NR2C2AP: variants seen among roughly 807,000 people sequenced by gnomAD.
The protein encoded by NR2C2AP is nuclear receptor 2C2 associated protein, also known as nuclear receptor 2C2-associated protein.
A neutral mutation model predicts 19.1 loss-of-function variants in NR2C2AP; 13 were observed. That is an observed-to-expected ratio of 0.68 (90% CI 0.44 to 1.08). NR2C2AP has a LOEUF of 1.08. Among genes scored for constraint, NR2C2AP ranks in the 50% least tolerant of loss-of-function variants. The probability of loss-of-function intolerance (pLI) is 0.00; values close to 1 mark genes in which losing one functional copy is unlikely to be tolerated. For missense variants in NR2C2AP, 181 were observed against 172.7 expected (o/e 1.05, Z -0.27); for synonymous variants, 81 against 64.4 (o/e 1.26, Z -1.23).
chr19:19,203,104 C>T lies in NR2C2AP; in HGVS notation c.-44G>A, dbSNP rs2060742867. The T allele has an allele frequency of 1.9e-6, 3 of 1,610,394 alleles. No individual in the cohort carries two copies. The highest frequency in any genetic ancestry group is 1.7e-6 in the Non-Finnish European group (2 of 1,177,472). On this transcript the variant is annotated 5_prime_UTR_variant, in exon 1 of 5. Coordinates refer to ENST00000331552, the MANE Select transcript of NR2C2AP (RefSeq NM_176880.6). Reference sequence around the variant, plus strand: ...CGCAGGGCTTAGGATTGGGCACAGCCTTGGTTCGAATCCCGGCGCCTCCTC... The same window carrying T: ...CGCAGGGCTTAGGATTGGGCACAGCTTTGGTTCGAATCCCGGCGCCTCCTC...
Position 19,201,533 on chromosome 19 carries a change from G to A in NR2C2AP, c.*392C>T, listed in dbSNP as rs566568874. Reference sequence around the variant, plus strand: ...GGTTCTCCCAGCTTTGCTCTGTAATGCAGGTCTCTGCAAGGGTCCCTGTTT... The same window carrying A: ...GGTTCTCCCAGCTTTGCTCTGTAATACAGGTCTCTGCAAGGGTCCCTGTTT... On this transcript the variant is annotated 3_prime_UTR_variant, in exon 5 of 5. Coordinates refer to ENST00000331552, the MANE Select transcript of NR2C2AP (RefSeq NM_176880.6). 51 of 1,603,382 alleles carry A rather than the reference G, an allele frequency of 3.2e-5. No homozygotes were observed. Among genetic ancestry groups the A allele is most frequent in the African/African-American group, 2.8e-4 (21 of 75,066 alleles).
Position 19,203,111 on chromosome 19 carries a change from C to A in NR2C2AP, c.-51G>T. The A allele has an allele frequency of 6.3e-7, 1 of 1,598,974 alleles. No homozygotes were observed. Among genetic ancestry groups the A allele is most frequent in the South Asian group, 1.1e-5 (1 of 89,974 alleles). ...CTTAGGATTGGGCACAGCCTTGGTT[C>A]GAATCCCGGCGCCTCCTCAAGCTAC... On this transcript the variant is annotated 5_prime_UTR_variant, in exon 1 of 5. Transcript: ENST00000331552.
chr19:19,201,790 GACTT>G lies in NR2C2AP; in HGVS notation c.*131_*134del. 6.2e-7 allele frequency: 1 copy of G among 1,613,162 alleles called. No homozygotes were observed. Among genetic ancestry groups the G allele is most frequent in the Non-Finnish European group, 8.5e-7 (1 of 1,179,746 alleles). On this transcript the variant is annotated 3_prime_UTR_variant, in exon 5 of 5. Transcript: ENST00000331552. ...GCCAGAGCTGGGGAAACCCAGAACT[GACTT>G]CAAAGGCAGCTTCTGGACAGGTGGT... is the stretch of plus-strand genomic sequence containing the variant.
Position 19,201,834 on chromosome 19 carries a change from C to T in NR2C2AP, c.*91G>A, listed in dbSNP as rs1360918517. The T allele has an allele frequency of 1.6e-5, 25 of 1,611,240 alleles. No homozygotes were observed. The highest frequency in any genetic ancestry group is 3.4e-5 in the Admixed American group (2 of 59,600). ...GGACAGGTGGTGGGAGGGGACCCTT[C>T]CCAAGAGGAACCAATAAACCTTCTG... On this transcript the variant is annotated 3_prime_UTR_variant, in exon 5 of 5. Coordinates refer to ENST00000331552, the MANE Select transcript of NR2C2AP (RefSeq NM_176880.6).
At chr19:19,202,194 A>G in intron 4 of NR2C2AP, 137 bp downstream of exon 4, 1 of 1,151,956 alleles carries the variant, frequency 8.7e-7, no homozygotes, top group Non-Finnish European at 1.3e-6. Flanking sequence ...GGTGGTCATC[A>G]GCACCATTTT....
chr19:19,203,078 T>C lies in NR2C2AP; in HGVS notation c.-18A>G. 1 of 1,613,808 alleles carries C rather than the reference T, an allele frequency of 6.2e-7. No individual in the cohort carries two copies. The highest frequency in any genetic ancestry group is 1.7e-4 in the Middle Eastern group (1 of 6,056). On this transcript the variant is annotated 5_prime_UTR_variant, in exon 1 of 5. Transcript: ENST00000331552. ...TGGGTCATGTCGGTTCCACAAGACC[T>C]CGCAGGGCTTAGGATTGGGCACAGC...
chr19:19,201,659 G>C lies in NR2C2AP; in HGVS notation c.*266C>G. 2 of 1,614,112 alleles carry C rather than the reference G, an allele frequency of 1.2e-6. No individual in the cohort carries two copies. Among genetic ancestry groups the C allele is most frequent in the Non-Finnish European group, 1.7e-6 (2 of 1,180,034 alleles). On this transcript the variant is annotated 3_prime_UTR_variant, in exon 5 of 5. Coordinates refer to ENST00000331552, the MANE Select transcript of NR2C2AP (RefSeq NM_176880.6). ...CCTGCCCCATCTCAGTGCAACAGGT[G>C]ATCGAGAACCACATCCTCAAGCTCT...
At chr19:19,202,243 T>C in intron 4 of NR2C2AP, 88 bp downstream of exon 4, 1 of 1,345,382 alleles carries the variant, frequency 7.4e-7, no homozygotes, top group South Asian at 1.2e-5. Context: ...GTGTTCAAGA[T>C]CACACATCAG....
intron 3 of NR2C2AP, 35 bp from the exon 4 acceptor site, chr19:19,202,433 A>C: frequency 2.5e-6 from 4 of 1,612,006 alleles, no homozygotes; most frequent in Non-Finnish European, 3.4e-6. Context: ...GTCTGGGGTG[A>C]CCCCTGGAAC....
chr19:19,201,714 GA>G lies in NR2C2AP; in HGVS notation c.*210del. 1 of 1,614,030 alleles carries G rather than the reference GA, an allele frequency of 6.2e-7. No homozygotes were observed. Among genetic ancestry groups the G allele is most frequent in the Non-Finnish European group, 8.5e-7 (1 of 1,180,012 alleles). On this transcript the variant is annotated 3_prime_UTR_variant, in exon 5 of 5. Transcript: ENST00000331552. ...GAGCAACCTGGTGCCCGCTGACCCTGAGTGAAGGCCGCCTGCCGGGGACTCA... is the reference window on the plus strand; with the variant it reads ...GAGCAACCTGGTGCCCGCTGACCCTGGTGAAGGCCGCCTGCCGGGGACTCA...
intron 2 of NR2C2AP, 105 bp downstream of exon 2, chr19:19,202,686 A>T: frequency 7.2e-7 from 1 of 1,397,044 alleles, no homozygotes; most frequent in Non-Finnish European, 1.0e-6. Context: ...GAAATTCGGC[A>T]CATGTTCCTT....
chr19:19,202,904 GAA>G, intron 1 of NR2C2AP, 23 bp from the exon 2 acceptor site: 1 of 1,611,112 alleles, frequency 6.2e-7, no homozygotes, highest in Middle Eastern at 1.7e-4. Context: ...GGATCAAGGC[GAA>G]GAGAGGGGCT....
rs765245935 is a variant in NR2C2AP, at chr19:19,203,005, G to A, written c.38+18C>T. 6.2e-7 allele frequency: 1 copy of A among 1,614,114 alleles called. No individual in the cohort carries two copies. The highest frequency in any genetic ancestry group is 1.1e-5 in the South Asian group (1 of 91,082). On this transcript the variant is annotated intron_variant, in intron 1 of 4. Transcript: ENST00000331552. ...CAGGCTTAGGGCCTCGCCACTGCCTGTCCCCACAGACTCTTACCTGCTCAC... is the reference window on the plus strand; with the variant it reads ...CAGGCTTAGGGCCTCGCCACTGCCTATCCCCACAGACTCTTACCTGCTCAC...
At position 19,202,982 on chromosome 19, in the gene NR2C2AP, G is replaced by C. The variant is rs1708958535; in HGVS notation, c.38+41C>G. On this transcript the variant is annotated intron_variant, in intron 1 of 4. Coordinates refer to ENST00000331552, the MANE Select transcript of NR2C2AP (RefSeq NM_176880.6). ...TCTGTCCACTGAGGGCTCGACCCCA[G>C]GCTTAGGGCCTCGCCACTGCCTGTC... 1.9e-6 allele frequency: 3 copies of C among 1,613,592 alleles called. No homozygotes were observed. The South Asian group carries it at 3.3e-5, about 18-fold the overall frequency.
rs753709776 is a variant in NR2C2AP at position 19,203,100 on chromosome 19, C to T, written c.-40G>A. The T allele has an allele frequency of 8.1e-6, 13 of 1,611,684 alleles. No homozygotes were observed. Among genetic ancestry groups the T allele is most frequent in the Non-Finnish European group, 1.1e-5 (13 of 1,178,436 alleles). ...ACCTCGCAGGGCTTAGGATTGGGCA[C>T]AGCCTTGGTTCGAATCCCGGCGCCT... On this transcript the variant is annotated 5_prime_UTR_variant, in exon 1 of 5. The change creates a new upstream start codon in the 5' untranslated region. Transcript: ENST00000331552.
Position 19,202,346 on chromosome 19 carries a change from G to T in NR2C2AP, c.288C>A (p.Asp96Glu), listed in dbSNP as rs760173113. ...GGCAGGATATCTGAAGCGAGTTGTT[G>T]TCCTCAGGGTAGAAATCTACAATCT... ...LHKIVDFYPE[D>E]NNSLQTFPIP... Residue 96 changes from aspartate (D) to glutamate (E), a missense_variant, in exon 4 of 5, where the codon GAC (aspartate) becomes GAA (glutamate). Transcript: ENST00000331552. 5.0e-6 allele frequency: 8 copies of T among 1,614,186 alleles called. No individual in the cohort carries two copies. The highest frequency in any genetic ancestry group is 5.9e-6 in the Non-Finnish European group (7 of 1,179,996).
In NR2C2AP at chr19:19,203,190, G is replaced by C; in HGVS notation, c.-130C>G. ...GCCTGAACGTCCTCACCTGTAACTT[G>C]GGACGAGAACCGCCACTCCCTCGCC... On this transcript the variant is annotated 5_prime_UTR_variant, in exon 1 of 5. Transcript: ENST00000331552. 1.1e-6 allele frequency: 1 copy of C among 900,700 alleles called. No homozygotes were observed. The highest frequency in any genetic ancestry group is 1.4e-5 in the South Asian group (1 of 71,098). The allele number at this position is 900,700 out of a possible 1,614,324, so 55.8% of individuals were successfully genotyped here.
rs746304124 is a variant in NR2C2AP, at chr19:19,202,016, A to G, written c.329T>C (p.Val110Ala). The G allele has an allele frequency of 1.9e-6, 3 of 1,614,172 alleles. No homozygotes were observed. Among genetic ancestry groups the G allele is most frequent in the South Asian group, 2.2e-5 (2 of 91,090 alleles). The change falls in exon 5 of 5, where the codon GTG (valine) becomes GCG (alanine). Residue 110 changes from valine to alanine, a missense_variant. Physicochemically the swap from Val to Ala is moderately conservative, Grantham distance 64. Coordinates refer to ENST00000331552, the MANE Select transcript of NR2C2AP (RefSeq NM_176880.6). ...CTCAAACGTCACCTTCAGCCGGTCC[A>G]CTTCAGCAGCTGGTATGGGGAAAGT... ...LQTFPIPAAE[V>A]DRLKVTFEDA... is the part of the protein sequence containing the mutation.
Position 19,202,374 on chromosome 19 carries a change from T to G in NR2C2AP, c.260A>C (p.His87Pro). The G allele has an allele frequency of 1.2e-6, 2 of 1,614,180 alleles. No homozygotes were observed. The highest frequency in any genetic ancestry group is 1.7e-6 in the Non-Finnish European group (2 of 1,180,032). Residue 87 changes from histidine to proline, a missense_variant, in exon 4 of 5, where the codon CAC (histidine) becomes CCC (proline). Coordinates refer to ENST00000331552, the MANE Select transcript of NR2C2AP (RefSeq NM_176880.6). ...CTCAGGGTAGAAATCTACAATCTTG[T>G]GGAGAGCCTGAGTGCCCTGTGAACC... ...LEGSQGTQALHKIVDFYPEDN... is the reference protein window; with the variant it reads ...LEGSQGTQALPKIVDFYPEDN...
Sources: gnomAD v4.1 joint callset for allele counts on GRCh38, gnomAD v4.1.1 for gene constraint, MANE v1.5 for transcripts, NCBI Gene and HGNC (gene_info 2026-07-23, HGNC 2026-07-21) for gene names.